POFUT4: variants seen among roughly 807,000 people sequenced by gnomAD.
POFUT4 encodes GDP-fucose protein O-fucosyltransferase 4.
chr10:73,774,987 T>TTGG, the POFUT4 span: 1 of 181,320 alleles, frequency 5.5e-6, no homozygotes, highest in African/African-American at 2.4e-5. Context: ...GTCCTGATGG[T>TTGG]TGGAATCCTT....
the POFUT4 span, chr10:73,772,898 T>A: frequency 6.2e-7 from 1 of 1,611,804 alleles, no homozygotes. Flanking sequence ...CGGGACCGCC[T>A]ATCTGCGCCG....
chr10:73,776,722 C>T, the POFUT4 span, among the ~76,000 whole-genome samples: 3 of 152,152 alleles, frequency 2.0e-5, no homozygotes, highest in African/African-American at 7.2e-5. Flanking sequence ...TGCTTTGTCA[C>T]CAGCTGGAGT....
At chr10:73,773,863 G>A in the POFUT4 span, 2 of 1,509,404 alleles carry the variant, frequency 1.3e-6, no homozygotes, top group South Asian at 2.6e-5. Flanking sequence ...TTACTTACTT[G>A]CTTACTGTGG....
the POFUT4 span, chr10:73,773,521 A>T: frequency 3.1e-6 from 5 of 1,614,254 alleles, no homozygotes; most frequent in South Asian, 5.5e-5. Context: ...GATGAGGAGT[A>T]TATGAAATAC....
chr10:73,772,670 A>AG, the POFUT4 span: 1 of 1,558,592 alleles, frequency 6.4e-7, no homozygotes, highest in Non-Finnish European at 8.7e-7. Flanking sequence ...CCGAGCGCTG[A>AG]GGGACTCGCG....
chr10:73,779,014 C>T, the POFUT4 span: 1 of 149,904 alleles, frequency 6.7e-6, no homozygotes, highest in Admixed American at 6.7e-5. Context: ...GTGTGTGTGC[C>T]TTGTAGATCC....
the POFUT4 span, chr10:73,772,946 C>T: frequency 3.0e-5 from 48 of 1,607,330 alleles, no homozygotes; most frequent in Middle Eastern, 1.8e-4. Context: ...GGAGTGGCGC[C>T]GCCGCGGCTA....
At chr10:73,778,150 C>CA in the POFUT4 span, among the ~76,000 whole-genome samples, 150,324 of 150,326 alleles carry the variant, frequency 1, 75,161 homozygotes, top group Non-Finnish European at 1. Flanking sequence ...AGGAGTGAGC[C>CA]CCGTGCCCAG....
chr10:73,772,705 C>G, the POFUT4 span: 1 of 1,581,756 alleles, frequency 6.3e-7, no homozygotes, highest in Non-Finnish European at 8.6e-7. Context: ...TCTTCTACGG[C>G]ACAGACTTCC....
chr10:73,776,483 G>A, the POFUT4 span, among the ~76,000 whole-genome samples: 1 of 151,838 alleles, frequency 6.6e-6, no homozygotes, highest in African/African-American at 2.4e-5. Context: ...CTTGAAGCCA[G>A]GAGTTTGAGA....
At chr10:73,777,040 G>C in the POFUT4 span, among the ~76,000 whole-genome samples, 1 of 152,056 alleles carries the variant, frequency 6.6e-6, no homozygotes, top group African/African-American at 2.4e-5. Context: ...CACAATTTCT[G>C]ATGGAAATAC....
the POFUT4 span, chr10:73,775,268 C>T: frequency 1.1e-5 from 8 of 717,862 alleles, no homozygotes; most frequent in African/African-American, 1.4e-4. Flanking sequence ...CTTTGCCTGC[C>T]TCTGAACCCC....
the POFUT4 span, chr10:73,772,658 C>T: frequency 1.9e-6 from 3 of 1,556,258 alleles, no homozygotes; most frequent in Non-Finnish European, 2.6e-6. Context: ...GTCCCGGAAC[C>T]GCCGAGCGCT....
the POFUT4 span, chr10:73,773,963 G>C: frequency 1.2e-6 from 1 of 866,570 alleles, no homozygotes; most frequent in Non-Finnish European, 1.7e-6. Context: ...AGTCTAGTTG[G>C]GGGGATAAGA....
the POFUT4 span, chr10:73,772,464 G>C: frequency 8.4e-6 from 13 of 1,555,074 alleles, no homozygotes; most frequent in Non-Finnish European, 8.7e-6. Context: ...CCGTGGGATG[G>C]CGCGGTTTTC....
the POFUT4 span, chr10:73,772,679 C>A: frequency 6.4e-7 from 1 of 1,559,404 alleles, no homozygotes; most frequent in Non-Finnish European, 8.7e-7. Context: ...GAGGGACTCG[C>A]GGACGCGCGC....
the POFUT4 span, chr10:73,773,769 C>T: frequency 6.2e-7 from 1 of 1,601,668 alleles, no homozygotes; most frequent in Admixed American, 1.7e-5. Context: ...CTGCCCAGTG[C>T]CCACACCTGG....
the POFUT4 span, chr10:73,779,487 C>T: frequency 6.6e-6 from 1 of 151,292 alleles, no homozygotes; most frequent in Admixed American, 6.6e-5. Context: ...CGCTTGAACC[C>T]AGGAGGCGGA....
chr10:73,773,410 C>A, the POFUT4 span: 4 of 1,614,126 alleles, frequency 2.5e-6, no homozygotes, highest in Non-Finnish European at 3.4e-6. Flanking sequence ...GGTTCTCCCT[C>A]TGTGAGGGAC....
Sources: allele counts gnomAD v4.1 joint callset (sites outside exome capture counted in the v4.1 genomes callset), GRCh38; gene constraint gnomAD v4.1.1; transcripts MANE v1.5; gene names NCBI Gene and HGNC (gene_info 2026-07-23, HGNC 2026-07-21).